PRRC2A: variants seen among roughly 807,000 people sequenced by gnomAD.
PRRC2A encodes the protein proline rich coiled-coil 2A.
Under a neutral mutation model 224.6 loss-of-function variants are expected in PRRC2A, and 59 were observed. The ratio of observed to expected loss-of-function variants is 0.26; its 90% CI spans 0.21 to 0.33. The LOEUF is 0.33. Among genes scored for constraint, PRRC2A ranks in the 10% least tolerant of loss-of-function variants. The probability of loss-of-function intolerance (pLI) is 1.00; values close to 1 mark genes in which losing one functional copy is unlikely to be tolerated. For missense variants in PRRC2A, 3,095 were observed against 2,880.7 expected (o/e 1.07, Z -1.70); for synonymous variants, 1,194 against 1,109.5 (o/e 1.08, Z -1.51).
intron 13 of PRRC2A, 85 bp from the exon 14 acceptor site, chr6:31,629,463 C>T (rs949449984): frequency 1.4e-6 from 2 of 1,427,098 alleles, no homozygotes; most frequent in African/African-American, 1.4e-5. Flanking sequence ...ACGCCAATTT[C>T]CCCTAGTCCA....
Position 31,625,313 on chromosome 6 carries a change from A to T in PRRC2A, c.606A>T (p.Gln202His). Residue 202 changes from glutamine to histidine, a missense_variant and splice_region_variant, in exon 6 of 31, where the codon CAA (glutamine) becomes CAT (histidine). By Grantham distance (24) the Gln-to-His change is conservative. Coordinates refer to ENST00000376033, the MANE Select transcript of PRRC2A (RefSeq NM_004638.4). The surrounding 1 kb of genome is among the most constrained non-coding windows in gnomAD (Gnocchi z 4.1). ...SSGPGPSLRP[Q>H]NSTTWRDGGG... ...GGCCCGGACCAAGCCTCCGCCCCCA[A>T]AGTGAGTGGCTGCCTTTTGGCCAAG... is the stretch of plus-strand genomic sequence containing the variant. 6.2e-7 allele frequency: 1 copy of T among 1,613,898 alleles called. No homozygotes were observed.
chr6:31,628,466 C>T (rs768383243), intron 12 of PRRC2A, among the ~76,000 whole-genome samples: 4 of 152,160 alleles, frequency 2.6e-5, no homozygotes, highest in African/African-American at 4.8e-5. Context: ...CTGTAGCTCA[C>T]GCCTATAATC....
In PRRC2A at chr6:31,628,925, T is replaced by C. The variant is rs895428774; in HGVS notation, c.1766-219T>C. On this transcript the variant is annotated intron_variant, in intron 12 of 30. Coordinates refer to ENST00000376033, the MANE Select transcript of PRRC2A (RefSeq NM_004638.4). The stretch of plus-strand genomic sequence containing the variant: ...GCCAAGACTGAAGAAAGTACTGTTG[T>C]TCTAATGGTTTCATAGAAAGTTAAT... 13 of 556,810 alleles carry C rather than the reference T, an allele frequency of 2.3e-5. No homozygotes were observed. The African/African-American group carries it at 2.5e-4, about 11-fold the overall frequency. The allele number at this position is 556,810 out of a possible 1,614,324, so 34.5% of individuals were successfully genotyped here.
rs1433970617 is a variant in PRRC2A at position 31,632,869 on chromosome 6, C to G, written c.4196C>G (p.Pro1399Arg). ...GGCATGGAACGGCAGAATCGGCGCC[C>G]TGGCCCAGGGGGCAAGGCTGGCAGC... ...RPGMERQNRR[P>R]GPGGKAGSSG... Residue 1399 changes from proline (P) to arginine (R), a missense_variant, in exon 16 of 31, where the codon CCT (proline) becomes CGT (arginine). Coordinates refer to ENST00000376033, the MANE Select transcript of PRRC2A (RefSeq NM_004638.4). 1 of 1,613,026 alleles carries G rather than the reference C, an allele frequency of 6.2e-7. No individual in the cohort carries two copies.
chr6:31,623,505 G>C (rs541458222), intron 2 of PRRC2A, among the ~76,000 whole-genome samples: 1 of 152,246 alleles, frequency 6.6e-6, no homozygotes, highest in South Asian at 2.1e-4. Context: ...GACCTCAGGT[G>C]ATCCGCCTGC....
At chr6:31,626,237 A>ATG in intron 9 of PRRC2A, 75 bp downstream of exon 9, 1 of 1,503,572 alleles carries the variant, frequency 6.7e-7, no homozygotes. Flanking sequence ...ATACAGGGTT[A>ATG]TGTGGGTGAA....
rs145811043 is a variant in PRRC2A, at chr6:31,631,983, C to T, written c.3310C>T (p.Arg1104Trp). 62 of 1,612,354 alleles carry T rather than the reference C, an allele frequency of 3.8e-5. No individual in the cohort carries two copies. The African/African-American group carries it at 7.3e-4, about 19-fold the overall frequency. ...GGAAATCCCCAAGCGGCGCCGGCAG[C>T]GGGGCTCAGAAACAGGCAGCGAGAC... Reference protein sequence around the residue: ...YEEIPKRRRQRGSETGSETHE... With the variant: ...YEEIPKRRRQWGSETGSETHE... Residue 1104 changes from arginine to tryptophan, a missense_variant, in exon 16 of 31, where the codon CGG (arginine) becomes TGG (tryptophan). By Grantham distance (101) the Arg-to-Trp change is moderately radical. This residue lies in a region of PRRC2A where 2,001 missense variants were observed against 1,764.9 expected (regional missense o/e 1.13). Coordinates refer to ENST00000376033, the MANE Select transcript of PRRC2A (RefSeq NM_004638.4). The surrounding 1 kb of genome is among the most constrained non-coding windows in gnomAD (Gnocchi z 4.5).
chr6:31,631,222 C>T lies in PRRC2A; in HGVS notation c.2549C>T (p.Pro850Leu). ...GFPENGAPGPPISRFPLEEPG... is the reference protein window; with the variant it reads ...GFPENGAPGPLISRFPLEEPG... ...CCTGAGAATGGAGCCCCTGGGCCCC[C>T]AATCTCTCGCTTTCCTCTGGAGGAA... is the stretch of plus-strand genomic sequence containing the variant. The change falls in exon 16 of 31, where the codon CCA (proline) becomes CTA (leucine). Residue 850 changes from proline (P) to leucine (L), a missense_variant. This residue lies in a region of PRRC2A where 2,001 missense variants were observed against 1,764.9 expected (regional missense o/e 1.13). Coordinates refer to ENST00000376033, the MANE Select transcript of PRRC2A (RefSeq NM_004638.4). This position sits in a 1 kb window ranked among gnomAD's most constrained non-coding sequence, Gnocchi z 4.5. The T allele has an allele frequency of 1.2e-6, 2 of 1,608,606 alleles. No homozygotes were observed. The highest frequency in any genetic ancestry group is 1.7e-6 in the Non-Finnish European group (2 of 1,178,252).
rs984826558 is a variant in PRRC2A at position 31,627,562 on chromosome 6, A to G, written c.1291-203A>G. ...GAAGCAGAAGGATCACTTGAGCCCAAGTTCAAGACCAGCCTGGGCAACATA... is the reference window on the plus strand; with the variant it reads ...GAAGCAGAAGGATCACTTGAGCCCAGGTTCAAGACCAGCCTGGGCAACATA... On this transcript the variant is annotated intron_variant, in intron 11 of 30. Transcript: ENST00000376033. The surrounding 1 kb of genome is among the most constrained non-coding windows in gnomAD (Gnocchi z 5.6). Among the ~76,000 whole-genome samples, 3 of 152,178 alleles carry G rather than the reference A, an allele frequency of 2.0e-5. No homozygotes were observed. The highest frequency in any genetic ancestry group is 2.9e-5 in the Non-Finnish European group (2 of 68,042).
At chr6:31,629,992 C>G in intron 14 of PRRC2A, 147 bp downstream of exon 14, 1 of 1,349,042 alleles carries the variant, frequency 7.4e-7, no homozygotes, top group Admixed American at 2.5e-5. Context: ...GCTGAGATAG[C>G]TCTGTTGCAA....
rs775647008 is a variant in PRRC2A, at chr6:31,626,188, T to G, written c.982+26T>G. On this transcript the variant is annotated intron_variant, in intron 9 of 30. Transcript: ENST00000376033. ...GTAAGTGGATATTAAGGGTCAAGAATTTGGATCTTGAAAGGCAAAACCTAA... is the reference window on the plus strand; with the variant it reads ...GTAAGTGGATATTAAGGGTCAAGAAGTTGGATCTTGAAAGGCAAAACCTAA... The G allele has an allele frequency of 2.5e-6, 4 of 1,601,236 alleles. No homozygotes were observed. The South Asian group carries it at 4.5e-5, about 18-fold the overall frequency.
chr6:31,621,581 T>A (rs1187075539), intron 1 of PRRC2A, among the ~76,000 whole-genome samples: 2 of 152,198 alleles, frequency 1.3e-5, no homozygotes, highest in Non-Finnish European at 2.9e-5. Flanking sequence ...TACATGACTC[T>A]TGTATTCGTT....
In PRRC2A at chr6:31,632,471, T is replaced by C. The variant is rs1311920795; in HGVS notation, c.3798T>C (p.Asn1266=). The C allele has an allele frequency of 1.9e-6, 3 of 1,606,380 alleles. No homozygotes were observed. The Admixed American group carries it at 5.0e-5, about 27-fold the overall frequency. Residue 1266 remains asparagine, a synonymous_variant, in exon 16 of 31, where the codon AAT becomes AAC. Transcript: ENST00000376033. ...GGAGGCTGAAGCAGGAACGGGAGAA[T>C]GCCGCAAGGGGGTCTGAGGGCAAGC... ...RFRRLKQERE[N]AARGSEGKPS... is the part of the protein sequence containing the mutation.
rs762792622 is a variant in PRRC2A, at chr6:31,635,596, A to C, written c.5388A>C (p.Ser1796=). The change falls in exon 24 of 31, where the codon TCA becomes TCC. Residue 1796 remains serine, a synonymous_variant. Transcript: ENST00000376033. ...TASVTEAIPV[S]RDWELLPSAA... is the part of the protein sequence containing the mutation. ...CTCCTTCCCAGGCCATTCCTGTATCACGAGACTGGGAGCTGCTTCCCAGTG... is the reference window on the plus strand; with the variant it reads ...CTCCTTCCCAGGCCATTCCTGTATCCCGAGACTGGGAGCTGCTTCCCAGTG... 6.2e-7 allele frequency: 1 copy of C among 1,611,172 alleles called. No homozygotes were observed. The highest frequency in any genetic ancestry group is 1.7e-5 in the Admixed American group (1 of 59,874).
rs1253367516 is a variant in PRRC2A at position 31,625,922 on chromosome 6, G to C, written c.839+51G>C. ...GGCTGGGGGCAGGGGAAGCTTATTG[G>C]GGGAGGAGATGGTTTTCTAGCCAGG... On this transcript the variant is annotated intron_variant, in intron 8 of 30. Coordinates refer to ENST00000376033, the MANE Select transcript of PRRC2A (RefSeq NM_004638.4). The surrounding 1 kb of genome is among the most constrained non-coding windows in gnomAD (Gnocchi z 4.1). 3 of 1,581,012 alleles carry C rather than the reference G, an allele frequency of 1.9e-6. No individual in the cohort carries two copies. The highest frequency in any genetic ancestry group is 2.6e-6 in the Non-Finnish European group (3 of 1,154,372).
In PRRC2A at chr6:31,629,651, TG is replaced by T; in HGVS notation, c.2065del (p.Ala689LeufsTer29). On this transcript the variant is annotated frameshift_variant, in exon 14 of 31. Coordinates refer to ENST00000376033, the MANE Select transcript of PRRC2A (RefSeq NM_004638.4). LOFTEE classifies it high-confidence loss of function. ...VPPSPPQPVT[L>X]GAVPAPQAPP... ...CCATCACCACCACAGCCTGTGACCC[TG>T]GGGGCTGTGCCAGCTCCACAGGCTC... 1 of 1,610,294 alleles carries T rather than the reference TG, an allele frequency of 6.2e-7. No individual in the cohort carries two copies. Among genetic ancestry groups the T allele is most frequent in the Non-Finnish European group, 8.5e-7 (1 of 1,178,280 alleles).
chr6:31,633,997 A>G lies in PRRC2A; in HGVS notation c.4719+8A>G. The G allele has an allele frequency of 6.2e-7, 1 of 1,603,998 alleles. No homozygotes were observed. Among genetic ancestry groups the G allele is most frequent in the South Asian group, 1.1e-5 (1 of 89,430 alleles). ...CCAGAGCTGCTACAGGAGGTAAGGGATGGGTTTGAGATTGTGCTTCACTGC... is the reference window on the plus strand; with the variant it reads ...CCAGAGCTGCTACAGGAGGTAAGGGGTGGGTTTGAGATTGTGCTTCACTGC... On this transcript the variant is annotated splice_region_variant and intron_variant, in intron 18 of 30. Transcript: ENST00000376033.
At position 31,627,947 on chromosome 6, in the gene PRRC2A, G is replaced by A; in HGVS notation, c.1473G>A (p.Lys491=). The A allele has an allele frequency of 6.2e-7, 1 of 1,613,040 alleles. No homozygotes were observed. The highest frequency in any genetic ancestry group is 8.5e-7 in the Non-Finnish European group (1 of 1,180,036). ...GGGCAGCCTGTGCTGAGAAGCTCAAGCGACTCGATGAAAAGTTTGGGGCAC... is the reference window on the plus strand; with the variant it reads ...GGGCAGCCTGTGCTGAGAAGCTCAAACGACTCGATGAAAAGTTTGGGGCAC... ...ERRAACAEKL[K]RLDEKFGAPD... The change falls in exon 12 of 31, where the codon AAG becomes AAA. Residue 491 remains lysine, a synonymous_variant. Coordinates refer to ENST00000376033, the MANE Select transcript of PRRC2A (RefSeq NM_004638.4). This position sits in a 1 kb window ranked among gnomAD's most constrained non-coding sequence, Gnocchi z 5.6.
Position 31,631,297 on chromosome 6 carries a change from A to G in PRRC2A, c.2624A>G (p.Lys875Arg), listed in dbSNP as rs750760947. 33 of 1,611,672 alleles carry G rather than the reference A, an allele frequency of 2.0e-5. No homozygotes were observed. The highest frequency in any genetic ancestry group is 2.8e-5 in the Non-Finnish European group (33 of 1,179,544). Residue 875 changes from lysine to arginine, a missense_variant, in exon 16 of 31, where the codon AAG (lysine) becomes AGG (arginine). Transcript: ENST00000376033. This position sits in a 1 kb window ranked among gnomAD's most constrained non-coding sequence, Gnocchi z 4.5. ...PWPPGSDEVA[K>R]IQTPPPKKEP... is the part of the protein sequence containing the mutation. ...CCCCCAGGCAGTGATGAAGTGGCCA[A>G]GATACAAACTCCACCACCCAAGAAG...
Sources: gnomAD v4.1 joint callset for allele counts (sites outside exome capture counted in the v4.1 genomes callset) on GRCh38, gnomAD v4.1.1 for gene constraint, gnomAD v4.1.1 regional missense constraint, Gnocchi (gnomAD v3.1) non-coding constraint, MANE v1.5 for transcripts, NCBI Gene and HGNC (gene_info 2026-07-23, HGNC 2026-07-21) for gene names.